ANO1: variants seen among roughly 807,000 people sequenced by gnomAD.
ANO1 encodes the protein anoctamin-1.
Under a neutral mutation model 124.0 loss-of-function variants are expected in ANO1, and 59 were observed. The ratio of observed to expected loss-of-function variants is 0.48; its 90% CI spans 0.39 to 0.59. The LOEUF (loss-of-function observed/expected upper bound fraction) is 0.59, where lower values mean the gene tolerates loss of function less well. Among genes scored for constraint, ANO1 ranks in the 20% least tolerant of loss-of-function variants. The pLI, the probability that ANO1 is intolerant of heterozygous loss-of-function variation, is 0.00. For synonymous variants in ANO1, 529 were observed against 532.0 expected, an observed-to-expected ratio of 0.99 and a Z score of 0.08; for missense variants, 1,059 against 1,328.0, an observed-to-expected ratio of 0.80 and a Z score of 3.15.
chr11:69,997,435 G>A (rs963740294), intron 1 of ANO1, among the ~76,000 whole-genome samples: 2 of 152,148 alleles, frequency 1.3e-5, no homozygotes, highest in African/African-American at 4.8e-5. Context: ...TGAGCCCCAG[G>A]ACCATGGCTC....
intron 11 of ANO1, among the ~76,000 whole-genome samples, chr11:70,140,849 T>C (rs1008915544): frequency 1.3e-5 from 2 of 152,198 alleles, no homozygotes; most frequent in Admixed American, 1.3e-4. Flanking sequence ...TTAGTAAACA[T>C]TATCAATCTG....
chr11:69,987,021 C>A (rs1031547453), intron 1 of ANO1, among the ~76,000 whole-genome samples: 6 of 152,254 alleles, frequency 3.9e-5, no homozygotes, highest in Admixed American at 6.5e-5. Context: ...TTATTCTTCC[C>A]CCCTCCCTCC....
At chr11:70,032,177 G>A (rs1555003885) in intron 1 of ANO1, among the ~76,000 whole-genome samples, 1 of 152,172 alleles carries the variant, frequency 6.6e-6, no homozygotes, top group Non-Finnish European at 1.5e-5. Flanking sequence ...GGAAATGCAG[G>A]ATGAGGTAGT....
rs762938088 is a variant in ANO1, at chr11:70,084,576, A to C, written c.109-3176A>C. ...GTCCAGAGCCTCCCCCAGGCCTTGC[A>C]GCTGGAGAGGGGCCAAGCCTAGATG... On this transcript the variant is annotated intron_variant, in intron 1 of 25. Coordinates refer to ENST00000355303, the MANE Select transcript of ANO1 (RefSeq NM_018043.7). 2.8e-4 allele frequency among the ~76,000 whole-genome samples: 43 copies of C among 152,260 alleles called. 1 individual carries two copies. The highest frequency in any genetic ancestry group is 5.3e-4 in the Non-Finnish European group (36 of 67,994).
intron 1 of ANO1, among the ~76,000 whole-genome samples, chr11:70,086,256 G>A (rs1288292631): frequency 1.3e-5 from 2 of 152,114 alleles, no homozygotes; most frequent in Non-Finnish European, 2.9e-5. Context: ...TTCTTATTTC[G>A]GAAACCCAGA....
intron 1 of ANO1, chr11:70,072,660 C>T (rs574360875): frequency 9.0e-4 from 137 of 152,376 alleles, no homozygotes; most frequent in African/African-American, 3.2e-3. Context: ...AGGCATTAGA[C>T]TTCGGTCTTT....
chr11:70,158,837 C>A (rs1306306150), intron 16 of ANO1, among the ~76,000 whole-genome samples: 3 of 100,408 alleles, frequency 3.0e-5, no homozygotes, highest in Non-Finnish European at 6.6e-5. Flanking sequence ...GAGAAGGGGA[C>A]CCCCTCGGTG....
chr11:70,067,323 G>GTTTT (rs71046572), intron 1 of ANO1, among the ~76,000 whole-genome samples: 2 of 126,536 alleles, frequency 1.6e-5, no homozygotes, highest in Admixed American at 8.0e-5. Context: ...AATCGTGGGT[G>GTTTT]TTTTTTTTTT....
chr11:70,077,719 G>A (rs2044080508), upstream of ANO1, among the ~76,000 whole-genome samples: 1 of 152,190 alleles, frequency 6.6e-6, no homozygotes, highest in Non-Finnish European at 1.5e-5. Context: ...ATGAGGACCC[G>A]CATTCCAACC....
intron 1 of ANO1, among the ~76,000 whole-genome samples, chr11:70,045,126 A>G (rs1390720047): frequency 1.3e-5 from 2 of 152,240 alleles, no homozygotes; most frequent in Non-Finnish European, 2.9e-5. Flanking sequence ...AAGGTAGAAC[A>G]AACTGATAAA....
the ANO1 span, among the ~76,000 whole-genome samples, chr11:69,967,304 C>T: frequency 0.018 from 2,776 of 152,050 alleles, 40 homozygotes; most frequent in East Asian, 0.062. Context: ...GCGCCTGTAT[C>T]GCACATTAGC....
chr11:70,116,264 A>T (rs2045971046), intron 7 of ANO1, among the ~76,000 whole-genome samples, 194 bp from the exon 8 acceptor site: 1 of 152,198 alleles, frequency 6.6e-6, no homozygotes, highest in Non-Finnish European at 1.5e-5. Context: ...GCCAACAGGG[A>T]CGTGCACGGC....
chr11:70,029,808 G>C (rs964442203), intron 1 of ANO1, among the ~76,000 whole-genome samples: 2 of 152,152 alleles, frequency 1.3e-5, no homozygotes, highest in Non-Finnish European at 2.9e-5. Flanking sequence ...CGAGCTTCCC[G>C]GGCTCCAGGC....
intron 10 of ANO1, among the ~76,000 whole-genome samples, chr11:70,127,308 A>G (rs2046562734): frequency 6.6e-6 from 1 of 152,154 alleles, no homozygotes; most frequent in Admixed American, 6.5e-5. Flanking sequence ...CAGCTTCCTA[A>G]GGCTGCCTGC....
intron 20 of ANO1, 82 bp from the exon 21 acceptor site, chr11:70,167,160 A>C (rs1565270351): frequency 6.6e-7 from 1 of 1,509,892 alleles, no homozygotes; most frequent in South Asian, 1.3e-5. Flanking sequence ...AAAGAAAAAA[A>C]GACACATCAC....
At chr11:69,982,555 A>C (rs1402269894), upstream of ANO1, among the ~76,000 whole-genome samples, 6 of 152,236 alleles carry the variant, frequency 3.9e-5, no homozygotes, top group African/African-American at 1.2e-4. Context: ...ACAGCATGTC[A>C]GGTTTTGGGC....
intron 22 of ANO1, among the ~76,000 whole-genome samples, chr11:70,172,699 G>T (rs1219343934): frequency 6.6e-6 from 1 of 152,014 alleles, no homozygotes; most frequent in Non-Finnish European, 1.5e-5. Context: ...GTGAAACCCT[G>T]TCTCTACTAA....
chr11:69,975,922 G>A, the ANO1 span, among the ~76,000 whole-genome samples: 1 of 152,182 alleles, frequency 6.6e-6, no homozygotes, highest in Admixed American at 6.5e-5. Flanking sequence ...ACCATGCTGT[G>A]TTGAGACCCT....
Position 70,188,055 on chromosome 11 carries a change from C to T in ANO1, c.*51C>T. On this transcript the variant is annotated 3_prime_UTR_variant, in exon 26 of 26. Coordinates refer to ENST00000355303, the MANE Select transcript of ANO1 (RefSeq NM_018043.7). ...AGCCGGGCATCCTGACCGATGGGCACCCTCTCCCAGGGCAGGCGGCTTCCC... is the reference window on the plus strand; with the variant it reads ...AGCCGGGCATCCTGACCGATGGGCATCCTCTCCCAGGGCAGGCGGCTTCCC... 1 of 1,523,466 alleles carries T rather than the reference C, an allele frequency of 6.6e-7. No homozygotes were observed. The highest frequency in any genetic ancestry group is 1.2e-5 in the South Asian group (1 of 81,816). 94.4% of individuals were successfully genotyped at this position (1,523,466 alleles called of 1,614,324 possible).
Sources: allele counts gnomAD v4.1 joint callset (sites outside exome capture counted in the v4.1 genomes callset), GRCh38; gene constraint gnomAD v4.1.1; transcripts MANE v1.5; gene names NCBI Gene and HGNC (gene_info 2026-07-23, HGNC 2026-07-21).